PAPSS1: variants seen among roughly 807,000 people sequenced by gnomAD.
PAPSS1 encodes 3'-phosphoadenosine 5'-phosphosulfate synthase 1, also known as bifunctional 3'-phosphoadenosine 5'-phosphosulfate synthase 1.
A neutral mutation model predicts 72.0 loss-of-function variants in PAPSS1; 50 were observed. The ratio of observed to expected loss-of-function variants is 0.69; its 90% confidence interval spans 0.55 to 0.88. The LOEUF (loss-of-function observed/expected upper bound fraction) is 0.88, where lower values mean the gene tolerates loss of function less well. Ranked by LOEUF, PAPSS1 falls within the 40% of genes least tolerant of loss-of-function variation. PAPSS1 has a pLI of 0.00. For missense variants in PAPSS1, 657 were observed against 782.2 expected (o/e 0.84, Z 1.91); for synonymous variants, 261 against 263.6 (o/e 0.99, Z 0.09).
At chr4:107,641,290 A>T (rs186023962) in intron 10 of PAPSS1, among the ~76,000 whole-genome samples, 1 of 152,310 alleles carries the variant, frequency 6.6e-6, no homozygotes, top group African/African-American at 2.4e-5. Flanking sequence ...GCCTTCAGCA[A>T]GAATCCAGTT....
At chr4:107,698,199 A>G in intron 2 of PAPSS1, among the ~76,000 whole-genome samples, 1 of 152,236 alleles carries the variant, frequency 6.6e-6, no homozygotes, top group Non-Finnish European at 1.5e-5. Context: ...AAACACGTCT[A>G]GCAAAACAGC....
chr4:107,697,141 C>T (rs980900572), intron 2 of PAPSS1, among the ~76,000 whole-genome samples: 1 of 152,352 alleles, frequency 6.6e-6, no homozygotes, highest in Middle Eastern at 3.4e-3. Context: ...CACTCTCAGC[C>T]CGCTAAGCTC....
intron 9 of PAPSS1, among the ~76,000 whole-genome samples, chr4:107,648,800 C>A (rs1726760136): frequency 6.6e-6 from 1 of 152,134 alleles, no homozygotes; most frequent in African/African-American, 2.4e-5. Context: ...GTGAAGGGAC[C>A]TGGAATAACA....
intron 5 of PAPSS1, among the ~76,000 whole-genome samples, chr4:107,665,261 G>GCA (rs1184373565): frequency 1.3e-5 from 2 of 152,170 alleles, no homozygotes; most frequent in East Asian, 3.9e-4. Flanking sequence ...CCAGCTTCTA[G>GCA]CACATTCCAG....
chr4:107,666,914 G>A (rs886749409), intron 5 of PAPSS1, among the ~76,000 whole-genome samples: 2 of 152,160 alleles, frequency 1.3e-5, no homozygotes, highest in Non-Finnish European at 2.9e-5. Context: ...TTGGCACAGA[G>A]CTCCTAACAC....
chr4:107,684,435 CT>C (rs1296523792), intron 4 of PAPSS1, among the ~76,000 whole-genome samples: 1 of 152,122 alleles, frequency 6.6e-6, no homozygotes, highest in Admixed American at 6.5e-5. Flanking sequence ...CAAAGCTGTT[CT>C]TTGTGGGGGA....
chr4:107,650,318 GTAAGGC>G (rs1447432987), intron 9 of PAPSS1, among the ~76,000 whole-genome samples: 2 of 152,174 alleles, frequency 1.3e-5, no homozygotes, highest in African/African-American at 4.8e-5. Flanking sequence ...GTTGTTTGAT[GTAAGGC>G]TAATAACTGG....
chr4:107,640,356 A>G (rs566794717), intron 10 of PAPSS1, among the ~76,000 whole-genome samples: 69 of 152,362 alleles, frequency 4.5e-4, no homozygotes, highest in African/African-American at 1.6e-3. Flanking sequence ...CCTGTTGATA[A>G]CCAAATAGGC....
intron 1 of PAPSS1, among the ~76,000 whole-genome samples, chr4:107,704,951 CAAAAAA>C (rs60816460): frequency 6.8e-6 from 1 of 146,946 alleles, no homozygotes; most frequent in Non-Finnish European, 1.5e-5. Context: ...AACTCCACCT[CAAAAAA>C]AAAAAGAAAA....
At chr4:107,684,958 T>C (rs181998515) in intron 4 of PAPSS1, among the ~76,000 whole-genome samples, 1 of 151,928 alleles carries the variant, frequency 6.6e-6, no homozygotes, top group Non-Finnish European at 1.5e-5. Context: ...CAGGCTAGAG[T>C]GCAGTGGCAC....
intron 6 of PAPSS1, 54 bp from the exon 7 acceptor site, chr4:107,657,061 A>G (rs180914460): frequency 6.0e-5 from 65 of 1,077,700 alleles, no homozygotes; most frequent in Non-Finnish European, 9.0e-5. Context: ...ATATGAGCAA[A>G]AGCAGTGATG....
chr4:107,685,999 T>C (rs146974670), intron 4 of PAPSS1, among the ~76,000 whole-genome samples: 127 of 152,346 alleles, frequency 8.3e-4, no homozygotes, highest in African/African-American at 2.9e-3. Flanking sequence ...TGTTTCGTTT[T>C]GTTTTTGTTT....
chr4:107,654,600 A>G, intron 8 of PAPSS1, 95 bp downstream of exon 8: 1 of 964,390 alleles, frequency 1.0e-6, no homozygotes, highest in East Asian at 2.4e-5. Flanking sequence ...AATATTAACA[A>G]TTCCAATGAA....
intron 5 of PAPSS1, among the ~76,000 whole-genome samples, chr4:107,677,376 G>T (rs1392376221): frequency 6.6e-6 from 1 of 152,154 alleles, no homozygotes; most frequent in Non-Finnish European, 1.5e-5. Flanking sequence ...GTGGGAGAAG[G>T]ATATGAACAG....
At chr4:107,715,658 C>T (rs1413222319) in intron 1 of PAPSS1, among the ~76,000 whole-genome samples, 1 of 152,168 alleles carries the variant, frequency 6.6e-6, no homozygotes, top group Non-Finnish European at 1.5e-5. Context: ...AACTGTCTCC[C>T]AGGTAGAATG....
intron 1 of PAPSS1, among the ~76,000 whole-genome samples, chr4:107,705,230 G>A (rs1391315477): frequency 7.9e-5 from 12 of 152,098 alleles, no homozygotes; most frequent in East Asian, 1.9e-4. Context: ...AGAAAAAATC[G>A]TGATATGGTT....
intron 10 of PAPSS1, among the ~76,000 whole-genome samples, chr4:107,637,669 T>G (rs1726425396): frequency 6.6e-6 from 1 of 152,244 alleles, no homozygotes; most frequent in Non-Finnish European, 1.5e-5. Context: ...TGTAATAAAT[T>G]TTATTAAAGT....
intron 6 of PAPSS1, 143 bp downstream of exon 6, chr4:107,659,816 A>G: frequency 1.7e-6 from 1 of 579,818 alleles, no homozygotes; most frequent in Non-Finnish European, 3.0e-6. Context: ...CCCCATCCTT[A>G]GAAATTGTGA....
rs898574065 is a variant in PAPSS1 at position 107,653,710 on chromosome 4, G to T, written c.1102-84C>A. On this transcript the variant is annotated intron_variant, in intron 8 of 11. Transcript: ENST00000265174. ...TCTCTCATATAAGCTAAATACAGTC[G>T]TTGTAAGCTACTCTCATCTTAAATG... The T allele has an allele frequency of 2.5e-5, 27 of 1,081,288 alleles. 1 individual carries two copies. Among genetic ancestry groups the T allele is most frequent in the South Asian group, 1.1e-4 (6 of 54,170 alleles). 67.0% of individuals were successfully genotyped at this position (1,081,288 alleles called of 1,614,324 possible).
Sources: gnomAD v4.1 joint callset for allele counts (sites outside exome capture counted in the v4.1 genomes callset) on GRCh38, gnomAD v4.1.1 for gene constraint, MANE v1.5 for transcripts, NCBI Gene and HGNC (gene_info 2026-07-23, HGNC 2026-07-21) for gene names.